The following WNT2 variants were observed in gnomAD, a reference collection of about 807,000 sequenced individuals.
WNT2 encodes the protein Wnt family member 2, also known as protein Wnt-2.
A neutral mutation model predicts 36.9 loss-of-function variants in WNT2; 12 were observed. That is an observed-to-expected ratio of 0.33 (90% CI 0.21 to 0.53). The LOEUF is 0.53. Ranked by LOEUF, WNT2 falls within the 20% of genes least tolerant of loss-of-function variation. WNT2 has a pLI of 0.95. For synonymous variants in WNT2, 163 were observed against 174.6 expected (o/e 0.93, Z 0.52); for missense variants, 379 against 473.1 (o/e 0.80, Z 1.84).
chr7:117,311,050 T>G (rs1795111619), intron 3 of WNT2, among the ~76,000 whole-genome samples: 2 of 152,216 alleles, frequency 1.3e-5, no homozygotes, highest in African/African-American at 4.8e-5. Flanking sequence ...AAATAACTGT[T>G]GAACCAAAGT....
intron 3 of WNT2, among the ~76,000 whole-genome samples, chr7:117,309,268 C>T (rs896210390): frequency 6.6e-6 from 1 of 152,126 alleles, no homozygotes; most frequent in African/African-American, 2.4e-5. Context: ...ACAACATCCA[C>T]TTCTGTTTAC....
chr7:117,297,086 C>T (rs968754471), intron 4 of WNT2, among the ~76,000 whole-genome samples: 3 of 152,174 alleles, frequency 2.0e-5, no homozygotes, highest in Non-Finnish European at 2.9e-5. Flanking sequence ...AGTCCACTAA[C>T]TAGAAATCTG....
intron 3 of WNT2, among the ~76,000 whole-genome samples, chr7:117,304,470 C>G (rs866474731): frequency 1.0e-4 from 14 of 134,458 alleles, no homozygotes; most frequent in Middle Eastern, 4.5e-3. Flanking sequence ...GAGTTTCACT[C>G]TTGTTGGCCA....
intron 4 of WNT2, among the ~76,000 whole-genome samples, chr7:117,293,334 G>A (rs1794727490): frequency 6.6e-6 from 1 of 152,114 alleles, no homozygotes; most frequent in Non-Finnish European, 1.5e-5. Context: ...CAAGAGTAAA[G>A]CCAGTCAGTT....
intron 3 of WNT2, among the ~76,000 whole-genome samples, chr7:117,309,950 ATC>A (rs151321306): frequency 0.014 from 2,199 of 152,094 alleles, 49 homozygotes; most frequent in African/African-American, 0.05. Context: ...TTCCTAGTAA[ATC>A]TATTTTTTTT....
intron 4 of WNT2, among the ~76,000 whole-genome samples, chr7:117,288,699 C>T: frequency 6.6e-6 from 1 of 151,816 alleles, no homozygotes; most frequent in Non-Finnish European, 1.5e-5. Flanking sequence ...ACATTTTTTT[C>T]CTGAAAAGTA....
chr7:117,314,942 G>T, intron 3 of WNT2, 129 bp downstream of exon 3: 1 of 1,359,048 alleles, frequency 7.4e-7, no homozygotes, highest in East Asian at 2.3e-5. Context: ...ACAGCTAATG[G>T]CTGGGGGACA....
intron 3 of WNT2, among the ~76,000 whole-genome samples, chr7:117,312,926 A>G (rs1324692956): frequency 2.0e-5 from 3 of 152,266 alleles, no homozygotes; most frequent in Non-Finnish European, 2.9e-5. Context: ...GGTTTTTAAA[A>G]AAATGAAATA....
intron 4 of WNT2, among the ~76,000 whole-genome samples, chr7:117,279,932 G>T (rs567147039): frequency 9.2e-5 from 14 of 151,960 alleles, no homozygotes; most frequent in Admixed American, 9.2e-4. Flanking sequence ...ACGATGCCTC[G>T]TGACTGTCTC....
intron 4 of WNT2, among the ~76,000 whole-genome samples, chr7:117,280,003 C>A (rs546758948): frequency 6.6e-6 from 1 of 152,146 alleles, no homozygotes; most frequent in East Asian, 1.9e-4. Flanking sequence ...GTTGCCCTGC[C>A]TGTTCGGGAT....
intron 4 of WNT2, among the ~76,000 whole-genome samples, chr7:117,289,925 CAAGG>C (rs1326084328): frequency 6.6e-6 from 1 of 151,972 alleles, no homozygotes; most frequent in Non-Finnish European, 1.5e-5. Flanking sequence ...ATGGAGGTGA[CAAGG>C]AAGGAGTGTA....
chr7:117,314,497 G>A (rs189377261), intron 3 of WNT2, among the ~76,000 whole-genome samples: 86 of 152,288 alleles, frequency 5.6e-4, no homozygotes, highest in African/African-American at 2.0e-3. Context: ...GAGGAGAAGG[G>A]GCCAGAATAC....
rs1795346390 is a variant in WNT2, at chr7:117,322,386, A to G, written c.83+521T>C. On this transcript the variant is annotated intron_variant, in intron 1 of 4. Coordinates refer to ENST00000265441, the MANE Select transcript of WNT2 (RefSeq NM_003391.3). The surrounding 1 kb of genome is among the most constrained non-coding windows in gnomAD (Gnocchi z 5.4). ...TTCCGCCCCACTGGGGTGAACCTGG[A>G]ATGTGGAAGGACGGGAAATAATACA... The G allele has an allele frequency of 6.3e-6, 1 of 157,930 alleles. No homozygotes were observed. Among genetic ancestry groups the G allele is most frequent in the African/African-American group, 2.4e-5 (1 of 41,330 alleles). 9.8% of individuals were successfully genotyped at this position (157,930 alleles called of 1,614,324 possible). A position where few individuals can be genotyped will look rare whatever the true frequency, so the allele number is the denominator to read the frequency against.
In WNT2 at chr7:117,297,846, T is replaced by C. The variant is rs748042297; in HGVS notation, c.619A>G (p.Lys207Glu). Residue 207 changes from lysine to glutamate, a missense_variant, in exon 4 of 5, where the codon AAG (lysine) becomes GAG (glutamate). By Grantham distance (56) the Lys-to-Glu change is moderately conservative (BLOSUM62 1). Transcript: ENST00000265441. ...AVKRFLKQEC[K>E]CHGVSGSCTL... is the part of the protein sequence containing the mutation. ...CATGAGCCGCTCACCCCGTGGCACT[T>C]GCACTCTTGTTTCAAGAACCGCTTT... 6.2e-7 allele frequency: 1 copy of C among 1,613,496 alleles called. No individual in the cohort carries two copies. The highest frequency in any genetic ancestry group is 8.5e-7 in the Non-Finnish European group (1 of 1,179,482).
At chr7:117,303,082 A>G (rs533795037) in intron 3 of WNT2, among the ~76,000 whole-genome samples, 1 of 152,288 alleles carries the variant, frequency 6.6e-6, no homozygotes, top group African/African-American at 2.4e-5. Context: ...CAGACTGGGC[A>G]AATTAGAACC....
chr7:117,290,306 T>C (rs779775535), intron 4 of WNT2, among the ~76,000 whole-genome samples: 10 of 152,138 alleles, frequency 6.6e-5, no homozygotes, highest in African/African-American at 9.7e-5. Flanking sequence ...GGACTAGTTA[T>C]TGGAGCAGGA....
intron 4 of WNT2, among the ~76,000 whole-genome samples, chr7:117,293,062 C>T (rs188304967): frequency 2.2e-4 from 34 of 151,596 alleles, no homozygotes; most frequent in Non-Finnish European, 4.3e-4. Context: ...TCGGAGCCTG[C>T]GGTAAGCCAC....
intron 4 of WNT2, among the ~76,000 whole-genome samples, chr7:117,287,523 C>T (rs555690628): frequency 6.6e-6 from 1 of 152,096 alleles, no homozygotes; most frequent in African/African-American, 2.4e-5. Context: ...CACATCACGC[C>T]ACAGGGTTCA....
intron 3 of WNT2, among the ~76,000 whole-genome samples, chr7:117,302,677 A>G (rs1794931083): frequency 6.6e-6 from 1 of 152,232 alleles, no homozygotes; most frequent in Non-Finnish European, 1.5e-5. Context: ...TGACATCAGT[A>G]GGAAAATGGC....
Sources: allele counts gnomAD v4.1 joint callset (sites outside exome capture counted in the v4.1 genomes callset), GRCh38; gene constraint gnomAD v4.1.1; non-coding constraint Gnocchi (gnomAD v3.1); transcripts MANE v1.5; gene names NCBI Gene and HGNC (gene_info 2026-07-23, HGNC 2026-07-21).